Variants in LAMP1 observed in about 807,000 individuals in gnomAD.
The protein encoded by LAMP1 is lysosome associated membrane protein 1.
LAMP1 carries 7 observed loss-of-function variants against 37.5 expected under a neutral mutation model. That is an observed-to-expected ratio of 0.19 (90% CI 0.11 to 0.35). The LOEUF (loss-of-function observed/expected upper bound fraction) is 0.35. LAMP1 is among the 10% of genes least tolerant of loss of function. LAMP1 has a pLI of 1.00. For synonymous variants in LAMP1, 236 were observed against 229.1 expected, an observed-to-expected ratio of 1.03 and a Z score of -0.27; for missense variants, 537 against 552.8, an observed-to-expected ratio of 0.97 and a Z score of 0.29.
chr13:113,306,798 A>G lies in LAMP1; in HGVS notation c.183+192A>G, dbSNP rs1377627780. Among the ~76,000 whole-genome samples, 4 of 132,588 alleles carry G rather than the reference A, an allele frequency of 3.0e-5. No individual in the cohort carries two copies. Among genetic ancestry groups the G allele is most frequent in the Non-Finnish European group, 6.4e-5 (4 of 62,900 alleles). The allele number at this position is 132,588 out of a possible 152,430, so 87.0% of individuals were successfully genotyped here. On this transcript the variant is annotated intron_variant, in intron 2 of 8. Transcript: ENST00000332556. ...CACAGGCACAGTAACAAACCTGTAT[A>G]TGTGCTGCACCTCACTGTTCATCAT...
At position 113,321,347 on chromosome 13, in the gene LAMP1, T is replaced by G; in HGVS notation, c.877-57T>G. On this transcript the variant is annotated intron_variant, in intron 6 of 8. Transcript: ENST00000332556. This position sits in a 1 kb window ranked among gnomAD's most constrained non-coding sequence, Gnocchi z 5.6. ...GATAAATGTGTGAATCTACTGGGGT[T>G]AAAGATCATCTTTCTATGAATCTGC... 7.2e-7 allele frequency: 1 copy of G among 1,396,546 alleles called. No individual in the cohort carries two copies. Among genetic ancestry groups the G allele is most frequent in the Non-Finnish European group, 1.0e-6 (1 of 981,676 alleles). The allele number at this position is 1,396,546 out of a possible 1,614,324, so 86.5% of individuals were successfully genotyped here. A position where few individuals can be genotyped will look rare whatever the true frequency, so the allele number is the denominator to read the frequency against.
chr13:113,307,795 T>A (rs867429590), intron 2 of LAMP1, among the ~76,000 whole-genome samples: 11 of 116,824 alleles, frequency 9.4e-5, no homozygotes, highest in African/African-American at 3.7e-4. Context: ...TATCTCTTTT[T>A]TAAAAAAAAA....
chr13:113,311,012 G>A (rs1173548579), intron 4 of LAMP1, 145 bp downstream of exon 4: 1 of 621,538 alleles, frequency 1.6e-6, no homozygotes, highest in Admixed American at 3.3e-5. Context: ...TCTGCAGAAC[G>A]TTCTCATCCT....
In LAMP1 at chr13:113,321,375, C is replaced by T. The variant is rs149046102; in HGVS notation, c.877-29C>T. ...AGATCATCTTTCTATGAATCTGCTCCGTGATTAAAGATCATTTTTCTTTTT... is the reference window on the plus strand; with the variant it reads ...AGATCATCTTTCTATGAATCTGCTCTGTGATTAAAGATCATTTTTCTTTTT... On this transcript the variant is annotated intron_variant, in intron 6 of 8. Transcript: ENST00000332556. This position sits in a 1 kb window ranked among gnomAD's most constrained non-coding sequence, Gnocchi z 5.6. 6.1e-4 allele frequency: 949 copies of T among 1,565,412 alleles called. 1 individual carries two copies. The East Asian group carries it at 0.015, about 25-fold the overall frequency.
intron 5 of LAMP1, among the ~76,000 whole-genome samples, chr13:113,319,985 T>G (rs1460167647): frequency 6.6e-6 from 1 of 152,256 alleles, no homozygotes; most frequent in Non-Finnish European, 1.5e-5. Flanking sequence ...ATTTAAGTGT[T>G]ACATTTTTAT....
chr13:113,303,885 G>A (rs1181626165), intron 1 of LAMP1, among the ~76,000 whole-genome samples: 1 of 152,076 alleles, frequency 6.6e-6, no homozygotes. Context: ...AGACCAGCCT[G>A]GCCAACATGG....
intron 1 of LAMP1, among the ~76,000 whole-genome samples, chr13:113,299,377 G>C (rs541572855): frequency 5.5e-4 from 83 of 150,588 alleles, no homozygotes; most frequent in Middle Eastern, 3.4e-3. Context: ...CAATTCTTCT[G>C]CCTCAGCTTC....
rs1459129790 is a variant in LAMP1 at position 113,323,044 on chromosome 13, T to C, written c.*623T>C. ...TGGTGAGGCTGACATGCTCACACAT[T>C]ACAACAGTAGAGAGGGAACATCCTA... On this transcript the variant is annotated 3_prime_UTR_variant, in exon 9 of 9. Transcript: ENST00000332556. 1 of 152,626 alleles carries C rather than the reference T, an allele frequency of 6.6e-6. No homozygotes were observed. Among genetic ancestry groups the C allele is most frequent in the African/African-American group, 2.4e-5 (1 of 41,414 alleles). The allele number at this position is 152,626 out of a possible 1,614,324, so 9.5% of individuals were successfully genotyped here. A position where few individuals can be genotyped will look rare whatever the true frequency, so the allele number is the denominator to read the frequency against.
At chr13:113,302,004 A>G (rs1384032481) in intron 1 of LAMP1, among the ~76,000 whole-genome samples, 1 of 151,302 alleles carries the variant, frequency 6.6e-6, no homozygotes, top group Non-Finnish European at 1.5e-5. Context: ...CAGGGATTAC[A>G]GGCATGCGCC....
Position 113,297,414 on chromosome 13 carries a change from C to G in LAMP1, c.-21C>G, listed in dbSNP as rs144852732. The G allele has an allele frequency of 2.5e-5, 20 of 810,366 alleles. No individual in the cohort carries two copies. The South Asian group carries it at 2.9e-4, about 12-fold the overall frequency. 50.2% of individuals were successfully genotyped at this position (810,366 alleles called of 1,614,324 possible). The stretch of plus-strand genomic sequence containing the variant: ...CCGCCCGCGCCCCCGCTCCCCGCAC[C>G]GTACCCGGCCGCCTCGCGCCATGGC... On this transcript the variant is annotated 5_prime_UTR_variant, in exon 1 of 9. Coordinates refer to ENST00000332556, the MANE Select transcript of LAMP1 (RefSeq NM_005561.4). The surrounding 1 kb of genome is among the most constrained non-coding windows in gnomAD (Gnocchi z 4.4).
At chr13:113,311,958 A>G (rs1428534411) in intron 4 of LAMP1, among the ~76,000 whole-genome samples, 2 of 152,188 alleles carry the variant, frequency 1.3e-5, no homozygotes, top group African/African-American at 2.4e-5. Context: ...TTCCCGGCTG[A>G]TAGAAATATG....
rs773621462 is a variant in LAMP1 at position 113,309,827 on chromosome 13, C to T, written c.368C>T (p.Ser123Leu). The T allele has an allele frequency of 6.2e-7, 1 of 1,613,488 alleles. No homozygotes were observed. Among genetic ancestry groups the T allele is most frequent in the Non-Finnish European group, 8.5e-7 (1 of 1,180,006 alleles). Residue 123 changes from serine (S) to leucine (L), a missense_variant, in exon 3 of 9, where the codon TCA becomes TTA. Transcript: ENST00000332556. ...CTCATGAGTTTTGTTTATAACTTGT[C>T]AGACACACACCTTTTCCCCAATGCG... is the stretch of plus-strand genomic sequence containing the variant. ...VQLMSFVYNL[S>L]DTHLFPNASS...
chr13:113,315,111 G>A (rs1225968368), intron 4 of LAMP1, among the ~76,000 whole-genome samples: 1 of 144,496 alleles, frequency 6.9e-6, no homozygotes, highest in Non-Finnish European at 1.5e-5. Flanking sequence ...GGAGATGTCG[G>A]TGTGCCTGGG....
intron 8 of LAMP1, 56 bp from the exon 9 acceptor site, chr13:113,322,226 C>G: frequency 6.4e-7 from 1 of 1,552,070 alleles, no homozygotes; most frequent in Non-Finnish European, 8.7e-7. Flanking sequence ...GGAGAGAGGC[C>G]TGTTTGCAGG....
intron 1 of LAMP1, among the ~76,000 whole-genome samples, chr13:113,300,153 C>T (rs1377014765): frequency 6.6e-6 from 1 of 152,186 alleles, no homozygotes; most frequent in Non-Finnish European, 1.5e-5. Context: ...CTTACCCTTT[C>T]CACTTGAACA....
At chr13:113,306,834 CTTTTTTTTTTT>C (rs780041684) in intron 2 of LAMP1, among the ~76,000 whole-genome samples, 3 of 80,142 alleles carry the variant, frequency 3.7e-5, no homozygotes, top group African/African-American at 4.9e-5. Flanking sequence ...GAACATTTTC[CTTTTTTTTTTT>C]TTTTTTTTTT....
chr13:113,321,797 A>G lies in LAMP1; in HGVS notation c.1114+70A>G. On this transcript the variant is annotated intron_variant, in intron 8 of 8. Transcript: ENST00000332556. This position sits in a 1 kb window ranked among gnomAD's most constrained non-coding sequence, Gnocchi z 5.6. ...CTTCAGACTCCGCCTGTGGACGTTT[A>G]GTCGCTTCCGTGTGGGCTGGGGCGA... 6.7e-7 allele frequency: 1 copy of G among 1,499,842 alleles called. No individual in the cohort carries two copies. Among genetic ancestry groups the G allele is most frequent in the Non-Finnish European group, 9.2e-7 (1 of 1,091,976 alleles). 92.9% of individuals were successfully genotyped at this position (1,499,842 alleles called of 1,614,324 possible).
chr13:113,303,800 G>A (rs537415491), intron 1 of LAMP1, among the ~76,000 whole-genome samples: 1 of 152,268 alleles, frequency 6.6e-6, no homozygotes, highest in Admixed American at 6.5e-5. Flanking sequence ...ACCTGGCTGG[G>A]CATGGTGGCT....
At chr13:113,309,951 G>C (rs1299893493) in intron 3 of LAMP1, 89 bp downstream of exon 3, 1 of 1,041,602 alleles carries the variant, frequency 9.6e-7, no homozygotes, top group Non-Finnish European at 1.5e-6. Context: ...AGTACAGGCT[G>C]GGTGTGGTGG....
Sources: allele counts gnomAD v4.1 joint callset (sites outside exome capture counted in the v4.1 genomes callset), GRCh38; gene constraint gnomAD v4.1.1; non-coding constraint Gnocchi (gnomAD v3.1); transcripts MANE v1.5; gene names NCBI Gene and HGNC (gene_info 2026-07-23, HGNC 2026-07-21).